The following BIRC6 variants were observed in gnomAD, a reference collection of about 807,000 sequenced individuals.
BIRC6 encodes baculoviral IAP repeat containing 6.
A neutral mutation model predicts 503.3 loss-of-function variants in BIRC6; 98 were observed. That is an observed-to-expected ratio of 0.19 (90% CI 0.17 to 0.23). The LOEUF is 0.23. BIRC6 is among the 10% of genes least tolerant of loss of function. BIRC6 has a pLI of 1.00. For missense variants in BIRC6, 5,360 were observed against 5,806.0 expected (o/e 0.92, Z 2.50); for synonymous variants, 2,240 against 2,078.7 (o/e 1.08, Z -2.11).
In BIRC6 at chr2:32,520,595, A is replaced by G. The variant is rs572644594; in HGVS notation, c.11623+1649A>G. 1.1e-4 allele frequency among the ~76,000 whole-genome samples: 16 copies of G among 152,310 alleles called. No homozygotes were observed. The East Asian group carries it at 2.9e-3, about 27-fold the overall frequency. ...CACTTTGCGAGGCCAAGGCAGGTGG[A>G]TCACCTCAGGTCAGGAGTTTCAGAC... is the stretch of plus-strand genomic sequence containing the variant. On this transcript the variant is annotated intron_variant, in intron 57 of 73. Coordinates refer to ENST00000421745, the MANE Select transcript of BIRC6 (RefSeq NM_016252.4).
At position 32,562,202 on chromosome 2, in the gene BIRC6, C is replaced by G. The variant is rs547830477; in HGVS notation, c.13144+12721C>G. 1.3e-5 allele frequency among the ~76,000 whole-genome samples: 2 copies of G among 152,158 alleles called. 1 individual carries two copies. The highest frequency in any genetic ancestry group is 4.1e-4 in the South Asian group (2 of 4,830). On this transcript the variant is annotated intron_variant, in intron 65 of 73. Transcript: ENST00000421745. ...TTATTCATGTATGGAGAAGAAGATTCTCATTTTGTGGTTTTGGTTGTTCTT... is the reference window on the plus strand; with the variant it reads ...TTATTCATGTATGGAGAAGAAGATTGTCATTTTGTGGTTTTGGTTGTTCTT...
intron 43 of BIRC6, among the ~76,000 whole-genome samples, chr2:32,490,717 GT>G (rs2051598679): frequency 6.6e-6 from 1 of 151,772 alleles, no homozygotes; most frequent in Non-Finnish European, 1.5e-5. Context: ...ACAAAGGCAG[GT>G]TTTTACATTT....
chr2:32,369,945 A>AT (rs1375272135), intron 1 of BIRC6, among the ~76,000 whole-genome samples: 14 of 44,178 alleles, frequency 3.2e-4, no homozygotes, highest in East Asian at 6.6e-4. Flanking sequence ...AAAAAAAAAA[A>AT]ATATATATAT....
intron 10 of BIRC6, among the ~76,000 whole-genome samples, chr2:32,424,496 C>A (rs2043263353): frequency 6.6e-6 from 1 of 151,138 alleles, no homozygotes; most frequent in Admixed American, 6.6e-5. Flanking sequence ...TGTTGGGTCA[C>A]ATGGTAATTC....
chr2:32,617,660 C>G (rs552425363), intron 73 of BIRC6, 65 bp from the exon 74 acceptor site: 1 of 1,483,628 alleles, frequency 6.7e-7, no homozygotes, highest in African/African-American at 1.4e-5. Context: ...AATTCAGTTC[C>G]TGCCTCAAAT....
At chr2:32,433,557 A>T in intron 12 of BIRC6, 87 bp from the exon 13 acceptor site, 1 of 1,223,720 alleles carries the variant, frequency 8.2e-7, no homozygotes, top group Non-Finnish European at 1.1e-6. Flanking sequence ...GCAAAGCAAA[A>T]AGTAGGAAAG....
chr2:32,518,124 T>G (rs1377586054), intron 55 of BIRC6, 130 bp from the exon 56 acceptor site: 1 of 867,086 alleles, frequency 1.2e-6, no homozygotes, highest in Non-Finnish European at 1.7e-6. Context: ...CCAGAGACAT[T>G]TGTTCTTTAG....
intron 48 of BIRC6, 38 bp from the exon 49 acceptor site, chr2:32,503,004 C>A: frequency 6.5e-7 from 1 of 1,534,220 alleles, no homozygotes; most frequent in Non-Finnish European, 8.8e-7. Context: ...ACCATCTGTC[C>A]TGAGATCGAT....
intron 1 of BIRC6, among the ~76,000 whole-genome samples, chr2:32,373,999 A>T (rs755821640): frequency 3.8e-4 from 58 of 152,348 alleles, no homozygotes; most frequent in Non-Finnish European, 6.2e-4. Context: ...TATTTAGAGT[A>T]GTCGAATTCA....
intron 5 of BIRC6, among the ~76,000 whole-genome samples, chr2:32,395,206 C>G (rs960188007): frequency 6.6e-6 from 1 of 152,118 alleles, no homozygotes; most frequent in Non-Finnish European, 1.5e-5. Context: ...CAGCCAGACT[C>G]TTTCTCTTAT....
intron 26 of BIRC6, among the ~76,000 whole-genome samples, chr2:32,465,434 G>A (rs1173472032): frequency 6.6e-6 from 1 of 151,720 alleles, no homozygotes; most frequent in Non-Finnish European, 1.5e-5. Context: ...ATAATTTATT[G>A]TAGTTGGTCA....
At chr2:32,377,463 A>C (rs1183670772) in intron 1 of BIRC6, 125 bp from the exon 2 acceptor site, 1 of 626,810 alleles carries the variant, frequency 1.6e-6, no homozygotes, top group Non-Finnish European at 2.4e-6. Flanking sequence ...TTCTTTAGAG[A>C]AGTTTTTTCC....
intron 9 of BIRC6, 102 bp from the exon 10 acceptor site, chr2:32,414,667 A>C (rs2042231111): frequency 1.0e-6 from 1 of 953,828 alleles, no homozygotes. Flanking sequence ...AATTTGTCTC[A>C]AAAATAAATA....
At chr2:32,547,465 T>A (rs1380322438) in intron 63 of BIRC6, among the ~76,000 whole-genome samples, 2 of 152,220 alleles carry the variant, frequency 1.3e-5, no homozygotes, top group Non-Finnish European at 2.9e-5. Flanking sequence ...TGTAATGTGT[T>A]GTTCCTTGCG....
intron 66 of BIRC6, among the ~76,000 whole-genome samples, chr2:32,586,370 TATGTTTCACGAC>T (rs1248422106): frequency 6.6e-6 from 1 of 151,688 alleles, no homozygotes; most frequent in Non-Finnish European, 1.5e-5. Flanking sequence ...ATATGAGCTT[TATGTTTCACGAC>T]AGTTTTCACT....
intron 1 of BIRC6, among the ~76,000 whole-genome samples, chr2:32,367,842 G>A (rs540757199): frequency 1.3e-5 from 2 of 152,136 alleles, no homozygotes; most frequent in East Asian, 1.9e-4. Context: ...CCCCCCAAAA[G>A]TAATTATCAT....
chr2:32,436,952 T>G (rs13019583), intron 15 of BIRC6, among the ~76,000 whole-genome samples: 146,173 of 146,176 alleles, frequency 1, 73,085 homozygotes, highest in Middle Eastern at 1. Context: ...GCAGTTCTGT[T>G]ATCTCAGCTT....
intron 65 of BIRC6, chr2:32,565,544 A>G (rs1230754104): frequency 6.6e-6 from 1 of 152,206 alleles, no homozygotes; most frequent in Admixed American, 6.5e-5. Context: ...TAATCTAACT[A>G]ATAGTACTAA....
Position 32,529,695 on chromosome 2 carries a change from C to A in BIRC6, c.11965C>A (p.Leu3989Ile). The A allele has an allele frequency of 6.2e-7, 1 of 1,613,264 alleles. No homozygotes were observed. ...AATGACACTTGCCCAGCTTTTAACT[C>A]TCCTATATGACCGAAAACTTCCTCA... is the stretch of plus-strand genomic sequence containing the variant. Reference protein sequence around the residue: ...AEMTLAQLLTLLYDRKLPQGY... With the variant: ...AEMTLAQLLTILYDRKLPQGY... Residue 3989 changes from leucine (L) to isoleucine (I), a missense_variant, in exon 60 of 74, where the codon CTC becomes ATC. Around this residue, in one of 16 missense-constraint regions of BIRC6, gnomAD observed 878 missense variants for 928.9 expected, o/e 0.95. Transcript: ENST00000421745.
Sources: gnomAD v4.1 joint callset for allele counts (sites outside exome capture counted in the v4.1 genomes callset) on GRCh38, gnomAD v4.1.1 for gene constraint, gnomAD v4.1.1 regional missense constraint, MANE v1.5 for transcripts, NCBI Gene and HGNC (gene_info 2026-07-23, HGNC 2026-07-21) for gene names.